CPLANE1: variants seen among roughly 807,000 people sequenced by gnomAD.
CPLANE1 encodes ciliogenesis and planar polarity effector 1.
In CPLANE1, 263 loss-of-function variants were observed where a neutral mutation model predicts 362.5. The ratio of observed to expected loss-of-function variants is 0.73; its 90% CI spans 0.66 to 0.80. The LOEUF (loss-of-function observed/expected upper bound fraction) is 0.80, where lower values mean the gene tolerates loss of function less well. Among genes scored for constraint, CPLANE1 ranks in the 30% least tolerant of loss-of-function variants. The pLI is 0.00. For synonymous variants in CPLANE1, 1,212 were observed against 1,302.6 expected (o/e 0.93, Z 1.50); for missense variants, 3,461 against 3,793.4 (o/e 0.91, Z 2.30).
chr5:37,195,563 C>T (rs1289137722), intron 21 of CPLANE1, among the ~76,000 whole-genome samples: 1 of 150,680 alleles, frequency 6.6e-6, no homozygotes, highest in African/African-American at 2.4e-5. Context: ...CATGCCACTG[C>T]ACTCCAGACT....
intron 44 of CPLANE1, chr5:37,140,884 T>C (rs1394854859): frequency 1.0e-6 from 1 of 973,364 alleles, no homozygotes; most frequent in Non-Finnish European, 1.2e-6. Flanking sequence ...TCATCAGCTA[T>C]TGTTAGTGTT....
In CPLANE1 at chr5:37,168,970, A is replaced by C. The variant is rs774239772; in HGVS notation, c.7054T>G (p.Ser2352Ala). Residue 2352 changes from serine (S) to alanine (A), a missense_variant, in exon 34 of 53, where the codon TCT becomes GCT. Ser to Ala is a moderately conservative substitution (Grantham distance 99). This residue lies in a region of CPLANE1 where 3,380 missense variants were observed against 3,666.1 expected (regional missense o/e 0.92). Coordinates refer to ENST00000651892, the MANE Select transcript of CPLANE1 (RefSeq NM_001384732.1). ...GGAAGTCCAAAGGAATGGTGAGGAG[A>C]TATCTCAAGGGTCCCTGGCTTAACA... ...FDVKPGTLEISPHHSFGLPLL... is the reference protein window; with the variant it reads ...FDVKPGTLEIAPHHSFGLPLL... 16 of 1,614,060 alleles carry C rather than the reference A, an allele frequency of 9.9e-6. No individual in the cohort carries two copies. Among genetic ancestry groups the C allele is most frequent in the Non-Finnish European group, 1.4e-5 (16 of 1,180,040 alleles).
At chr5:37,138,923 G>A in intron 45 of CPLANE1, 75 bp from the exon 46 acceptor site, 49 of 1,282,398 alleles carry the variant, frequency 3.8e-5, no homozygotes, top group Non-Finnish European at 5.2e-5. Context: ...AAATAAACAT[G>A]TAACAAATGA....
At chr5:37,239,477 G>A (rs1799796971) in intron 7 of CPLANE1, among the ~76,000 whole-genome samples, 2 of 151,526 alleles carry the variant, frequency 1.3e-5, no homozygotes, top group South Asian at 2.1e-4. Flanking sequence ...CAGCTACTTG[G>A]GGGGCTGAGG....
At chr5:37,181,061 T>C (rs1782546862) in intron 26 of CPLANE1, 56 bp from the exon 27 acceptor site, 1 of 1,407,552 alleles carries the variant, frequency 7.1e-7, no homozygotes, top group Non-Finnish European at 9.7e-7. Context: ...TTTTTCACCA[T>C]ATTTTAAAAT....
At chr5:37,081,543 G>C in the CPLANE1 span, among the ~76,000 whole-genome samples, 5 of 151,794 alleles carry the variant, frequency 3.3e-5, no homozygotes, top group African/African-American at 1.2e-4. Context: ...GGCTGGTCTC[G>C]AACTCCTGAC....
intron 44 of CPLANE1, chr5:37,141,001 T>C: frequency 8.1e-6 from 8 of 985,440 alleles, no homozygotes; most frequent in Non-Finnish European, 9.6e-6. Context: ...TACCTTTGCC[T>C]TAGACTCTGG....
At chr5:37,187,072 A>AAAACAAAAAC (rs1561539128) in intron 23 of CPLANE1, among the ~76,000 whole-genome samples, 5 of 147,666 alleles carry the variant, frequency 3.4e-5, no homozygotes, top group African/African-American at 1.3e-4. Flanking sequence ...AAAAAAAAAA[A>AAAACAAAAAC]AAAAAAAAAA....
At chr5:37,212,568 T>A (rs1792929356) in intron 16 of CPLANE1, among the ~76,000 whole-genome samples, 1 of 151,928 alleles carries the variant, frequency 6.6e-6, no homozygotes. Context: ...CTAGTATATG[T>A]GCAGCACTAA....
Position 37,153,721 on chromosome 5 carries a change from AAAAAT to A in CPLANE1, c.8373+14_8373+18del, listed in dbSNP as rs1396772255. 6.3e-7 allele frequency: 1 copy of A among 1,582,674 alleles called. No individual in the cohort carries two copies. The highest frequency in any genetic ancestry group is 1.4e-5 in the African/African-American group (1 of 73,974). ...ATAATTCAGTAGCAAACAAAAAACT[AAAAAT>A]AAAGGTAGTCTACCTTATCACAATG... On this transcript the variant is annotated intron_variant, in intron 42 of 52. Transcript: ENST00000651892.
intron 51 of CPLANE1, among the ~76,000 whole-genome samples, chr5:37,113,699 A>G (rs1272440399): frequency 2.6e-5 from 4 of 152,230 alleles, no homozygotes; most frequent in Non-Finnish European, 5.9e-5. Flanking sequence ...AAACTGAATG[A>G]CGGATCTACA....
chr5:37,159,237 G>A (rs926400247), intron 38 of CPLANE1, among the ~76,000 whole-genome samples: 2 of 144,922 alleles, frequency 1.4e-5, no homozygotes, highest in East Asian at 2.1e-4. Context: ...TCAGCCTCCC[G>A]AGTAGCTGGG....
In CPLANE1 at chr5:37,159,339, C is replaced by G. The variant is rs1255081986; in HGVS notation, c.7691-994G>C. 2.6e-5 allele frequency among the ~76,000 whole-genome samples: 4 copies of G among 151,268 alleles called. No individual in the cohort carries two copies. The East Asian group carries it at 7.8e-4, about 29-fold the overall frequency. On this transcript the variant is annotated intron_variant, in intron 38 of 52. Transcript: ENST00000651892. ...TGTTAGCCAGGATGGTCTCGATCTCCTGACCTCATGATTCACCCGCCTCGG... is the reference window on the plus strand; with the variant it reads ...TGTTAGCCAGGATGGTCTCGATCTCGTGACCTCATGATTCACCCGCCTCGG...
At chr5:37,153,169 A>C (rs1269166761) in intron 42 of CPLANE1, among the ~76,000 whole-genome samples, 1 of 152,144 alleles carries the variant, frequency 6.6e-6, no homozygotes, top group Non-Finnish European at 1.5e-5. Context: ...TTAGAGCAGA[A>C]GATCAGCTGA....
intron 32 of CPLANE1, 37 bp downstream of exon 32, chr5:37,173,718 T>C (rs1295421901): frequency 1.2e-5 from 18 of 1,506,228 alleles, no homozygotes; most frequent in Non-Finnish European, 1.5e-5. Context: ...ATGTACACTA[T>C]GTGTAGATTT....
In CPLANE1 at chr5:37,226,351, GA is replaced by G. The variant is rs755887339; in HGVS notation, c.2243del (p.Phe748SerfsTer7). The G allele has an allele frequency of 5.2e-6, 8 of 1,543,468 alleles. No homozygotes were observed. The highest frequency in any genetic ancestry group is 1.7e-6 in the Non-Finnish European group (2 of 1,144,692). On this transcript the variant is annotated frameshift_variant, in exon 12 of 53. Coordinates refer to ENST00000651892, the MANE Select transcript of CPLANE1 (RefSeq NM_001384732.1). ...GATTTACTACTTGAGGATGAATCTTGAAAAATGAGTTCCAAGACCAGTTTTT... is the reference window on the plus strand; with the variant it reads ...GATTTACTACTTGAGGATGAATCTTGAAAATGAGTTCCAAGACCAGTTTTT... Reference protein sequence around the residue: ...FQKNWSWNSFFKIHPQVVNPV... With the variant: ...FQKNWSWNSFXKIHPQVVNPV...
Position 37,226,608 on chromosome 5 carries a change from G to A in CPLANE1, c.1987C>T (p.Leu663=). The change falls in exon 12 of 53, where the codon CTG becomes TTG. Residue 663 remains leucine, a synonymous_variant. Transcript: ENST00000651892. ...AAAAGTTTTACAGTATTTGAGGTCA[G>A]CTTTATCAAATGCCCCACATCTTGT... ...YKQDVGHLIK[L]TSNTVKLLLT... 6.4e-7 allele frequency: 1 copy of A among 1,551,396 alleles called. No individual in the cohort carries two copies. The highest frequency in any genetic ancestry group is 8.7e-7 in the Non-Finnish European group (1 of 1,146,846).
At chr5:37,137,819 C>A (rs1343945713) in intron 46 of CPLANE1, among the ~76,000 whole-genome samples, 1 of 152,154 alleles carries the variant, frequency 6.6e-6, no homozygotes, top group African/African-American at 2.4e-5. Context: ...ATTATCTCCA[C>A]CTGTTCCCTC....
chr5:37,119,449 T>G (rs1761998801), intron 50 of CPLANE1, among the ~76,000 whole-genome samples: 1 of 151,770 alleles, frequency 6.6e-6, no homozygotes, highest in African/African-American at 2.4e-5. Context: ...GGTGGGCAGA[T>G]CACCTGAGGT....
Sources: gnomAD v4.1 joint callset for allele counts (sites outside exome capture counted in the v4.1 genomes callset) on GRCh38, gnomAD v4.1.1 for gene constraint, gnomAD v4.1.1 regional missense constraint, MANE v1.5 for transcripts, NCBI Gene and HGNC (gene_info 2026-07-23, HGNC 2026-07-21) for gene names.